RIMS2: variants seen among roughly 807,000 people sequenced by gnomAD.
The protein encoded by RIMS2 is regulating synaptic membrane exocytosis protein 2.
A neutral mutation model predicts 174.4 loss-of-function variants in RIMS2; 59 were observed. The ratio of observed to expected loss-of-function variants is 0.34; its 90% CI spans 0.27 to 0.42. The LOEUF (loss-of-function observed/expected upper bound fraction) is 0.42, where lower values mean the gene tolerates loss of function less well. RIMS2 is among the 10% of genes least tolerant of loss of function. The pLI is 1.00. For synonymous variants in RIMS2, 606 were observed against 572.5 expected (o/e 1.06, Z -0.84); for missense variants, 1,620 against 1,666.3 (o/e 0.97, Z 0.48).
intron 1 of RIMS2, among the ~76,000 whole-genome samples, chr8:103,662,674 CTATCTATCTAT>C (rs2096616904): frequency 2.4e-5 from 1 of 40,968 alleles, no homozygotes; most frequent in African/African-American, 8.3e-5. Context: ...TCAGAAGAGT[CTATCTATCTAT>C]CTATCTATCT....
chr8:103,638,432 C>G (rs2096141979), intron 1 of RIMS2, among the ~76,000 whole-genome samples: 1 of 151,972 alleles, frequency 6.6e-6, no homozygotes, highest in Non-Finnish European at 1.5e-5. Context: ...TTATTTGGCA[C>G]TCTTCTGTAA....
intron 1 of RIMS2, among the ~76,000 whole-genome samples, chr8:103,552,187 C>T (rs547934863): frequency 9.2e-5 from 14 of 152,278 alleles, no homozygotes; most frequent in African/African-American, 2.6e-4. Context: ...CATCATGCTA[C>T]CTGACTTCAA....
intron 19 of RIMS2, among the ~76,000 whole-genome samples, chr8:104,072,881 G>A (rs1165579305): frequency 6.6e-6 from 1 of 152,098 alleles, no homozygotes; most frequent in East Asian, 1.9e-4. Flanking sequence ...TTTTTAATAA[G>A]AGCAGCAAAG....
intron 13 of RIMS2, among the ~76,000 whole-genome samples, chr8:103,938,629 A>G (rs1046336624): frequency 3.9e-5 from 6 of 152,182 alleles, no homozygotes; most frequent in African/African-American, 9.7e-5. Flanking sequence ...AATAGTCTCC[A>G]AAGTCTTAAC....
intron 19 of RIMS2, among the ~76,000 whole-genome samples, chr8:104,176,431 T>C (rs2098895367): frequency 6.6e-6 from 1 of 152,096 alleles, no homozygotes; most frequent in African/African-American, 2.4e-5. Flanking sequence ...ATTACAGCAT[T>C]ACTGGCCTGG....
intron 1 of RIMS2, among the ~76,000 whole-genome samples, chr8:103,590,935 G>A (rs1323854923): frequency 2.0e-5 from 3 of 150,804 alleles, no homozygotes; most frequent in South Asian, 2.1e-4. Context: ...CGTAGGGCAG[G>A]TTTATGTTTA....
At chr8:103,607,323 AT>A (rs1257070241) in intron 1 of RIMS2, among the ~76,000 whole-genome samples, 2 of 151,926 alleles carry the variant, frequency 1.3e-5, no homozygotes, top group Non-Finnish European at 2.9e-5. Flanking sequence ...AATGTTGAAT[AT>A]TGGCCCCCAC....
At chr8:103,881,721 A>G (rs2099168137) in intron 3 of RIMS2, among the ~76,000 whole-genome samples, 1 of 151,594 alleles carries the variant, frequency 6.6e-6, no homozygotes, top group African/African-American at 2.4e-5. Flanking sequence ...TAAGCAAGGA[A>G]TAGAAATGAT....
intron 1 of RIMS2, among the ~76,000 whole-genome samples, chr8:103,656,848 G>C (rs1247333331): frequency 6.6e-6 from 1 of 152,146 alleles, no homozygotes; most frequent in Non-Finnish European, 1.5e-5. Context: ...TAACTTAAAA[G>C]TTAAAACTTC....
At chr8:103,804,858 A>G (rs2098639639) in intron 3 of RIMS2, among the ~76,000 whole-genome samples, 1 of 151,932 alleles carries the variant, frequency 6.6e-6, no homozygotes, top group Non-Finnish European at 1.5e-5. Context: ...GTGCAGAGGT[A>G]CAGTCATAGA....
chr8:103,827,268 G>A (rs912853589), intron 3 of RIMS2, among the ~76,000 whole-genome samples: 2 of 152,028 alleles, frequency 1.3e-5, no homozygotes, highest in Non-Finnish European at 2.9e-5. Context: ...ATATCGAGTT[G>A]TTTGCTGCTA....
At chr8:104,113,725 C>A (rs1230735911) in intron 19 of RIMS2, among the ~76,000 whole-genome samples, 1 of 150,850 alleles carries the variant, frequency 6.6e-6, no homozygotes, top group African/African-American at 2.5e-5. Flanking sequence ...TATAGTTCTA[C>A]TTTTATTAGT....
intron 1 of RIMS2, among the ~76,000 whole-genome samples, chr8:103,528,471 C>G (rs1020106640): frequency 2.0e-4 from 30 of 152,292 alleles, no homozygotes; most frequent in African/African-American, 7.2e-4. Flanking sequence ...TTGCCCATGC[C>G]TATGTCCTGA....
At chr8:103,627,425 C>T (rs1022792224) in intron 1 of RIMS2, among the ~76,000 whole-genome samples, 8 of 152,010 alleles carry the variant, frequency 5.3e-5, no homozygotes, top group Non-Finnish European at 1.0e-4. Flanking sequence ...AGGTGATGTA[C>T]GTTTTCAGTT....
intron 15 of RIMS2, among the ~76,000 whole-genome samples, chr8:103,962,635 G>T (rs1491003338): frequency 6.6e-6 from 1 of 151,872 alleles, no homozygotes; most frequent in Non-Finnish European, 1.5e-5. Context: ...TTGATTGATT[G>T]GTTTTTGAGA....
At chr8:104,001,097 G>C (rs1339607432) in intron 17 of RIMS2, among the ~76,000 whole-genome samples, 1 of 151,446 alleles carries the variant, frequency 6.6e-6, no homozygotes, top group African/African-American at 2.4e-5. Flanking sequence ...TTTTTGCTTT[G>C]GTTGCCTGTG....
chr8:104,241,645 C>G (rs2099296900), intron 19 of RIMS2, among the ~76,000 whole-genome samples: 2 of 152,112 alleles, frequency 1.3e-5, no homozygotes, highest in African/African-American at 2.4e-5. Context: ...TATGTCTCAC[C>G]TGATGGGAAT....
At chr8:103,863,955 C>A (rs147048393) in intron 3 of RIMS2, among the ~76,000 whole-genome samples, 2,212 of 150,140 alleles carry the variant, frequency 0.015, 23 homozygotes, top group Non-Finnish European at 0.025. Flanking sequence ...GTCGTCCAGG[C>A]AGGAGTGCGG....
At position 104,186,193 on chromosome 8, in the gene RIMS2, C is replaced by G. The variant is rs534093879; in HGVS notation, c.3335-58723C>G. Among the ~76,000 whole-genome samples the G allele has an allele frequency of 1.1e-4, 17 of 151,744 alleles. No individual in the cohort carries two copies. The East Asian group carries it at 2.7e-3, about 24-fold the overall frequency. On this transcript the variant is annotated intron_variant, in intron 19 of 23. Transcript: ENST00000504942. ...AAATGGGAGCTAACTAATATGTACA[C>G]ATGGACGTACAGTGTGGAATTACAG...
Sources: gnomAD v4.1 joint callset for allele counts (sites outside exome capture counted in the v4.1 genomes callset) on GRCh38, gnomAD v4.1.1 for gene constraint, MANE v1.5 for transcripts, NCBI Gene and HGNC (gene_info 2026-07-23, HGNC 2026-07-21) for gene names.